Variants in ARHGEF4 observed in about 807,000 individuals in gnomAD.
ARHGEF4 encodes the protein APC-stimulated guanine nucleotide exchange factor 1.
Under a neutral mutation model 162.0 loss-of-function variants are expected in ARHGEF4, and 119 were observed. The observed-to-expected ratio is 0.73, with a 90% CI of 0.63 to 0.86. The LOEUF (loss-of-function observed/expected upper bound fraction) is 0.86, where lower values mean the gene tolerates loss of function less well. Among genes scored for constraint, ARHGEF4 ranks in the 40% least tolerant of loss-of-function variants. The pLI is 0.00. For synonymous variants in ARHGEF4, 1,014 were observed against 979.9 expected (o/e 1.03, Z -0.65); for missense variants, 2,488 against 2,456.0 (o/e 1.01, Z -0.28).
At chr2:130,871,126 G>A (rs893015812) in intron 1 of ARHGEF4, among the ~76,000 whole-genome samples, 4 of 152,194 alleles carry the variant, frequency 2.6e-5, no homozygotes, top group African/African-American at 9.6e-5. Flanking sequence ...CCGCCTGTGG[G>A]TTGCTGAGCT....
At position 131,011,702 on chromosome 2, in the gene ARHGEF4, C is replaced by G; in HGVS notation, c.3986-16243C>G. 3 of 1,476,236 alleles carry G rather than the reference C, an allele frequency of 2.0e-6. No individual in the cohort carries two copies. The East Asian group carries it at 7.4e-5, about 36-fold the overall frequency. 91.4% of individuals were successfully genotyped at this position (1,476,236 alleles called of 1,614,324 possible). A position where few individuals can be genotyped will look rare whatever the true frequency, so the allele number is the denominator to read the frequency against. ...GTGGGGTAGAGAGAGGAAATGAGGC[C>G]AGATGGGCAGCAAGCTTTGGATGCT... On this transcript the variant is annotated intron_variant, in intron 4 of 13. Transcript: ENST00000409359.
At chr2:131,002,424 A>C (rs1687829878) in intron 4 of ARHGEF4, among the ~76,000 whole-genome samples, 1 of 150,136 alleles carries the variant, frequency 6.7e-6, no homozygotes, top group Admixed American at 6.6e-5. Flanking sequence ...AAATACAAAA[A>C]AATTAGCTGG....
At chr2:130,966,379 C>T (rs539359165) in intron 4 of ARHGEF4, among the ~76,000 whole-genome samples, 1 of 152,140 alleles carries the variant, frequency 6.6e-6, no homozygotes, top group South Asian at 2.1e-4. Flanking sequence ...GGAGGAATTG[C>T]GGAAACAGGC....
intron 1 of ARHGEF4, among the ~76,000 whole-genome samples, chr2:130,892,716 T>C (rs998354936): frequency 2.6e-5 from 4 of 152,244 alleles, no homozygotes; most frequent in Middle Eastern, 3.4e-3. Flanking sequence ...TTAGCCCTCC[T>C]GGCCCCCAGC....
At chr2:130,961,259 T>G (rs1684607425) in intron 4 of ARHGEF4, among the ~76,000 whole-genome samples, 1 of 152,172 alleles carries the variant, frequency 6.6e-6, no homozygotes. Flanking sequence ...ACACCTGGTC[T>G]GCAGGGAGCA....
At position 130,914,890 on chromosome 2, in the gene ARHGEF4, C is replaced by A. The variant is rs1210236320; in HGVS notation, c.944C>A (p.Thr315Asn). ...AACCGTCACCATAGTGCCCCAGAAA[C>A]TACTGGTGACAAGAACAGGGCATCC... is the stretch of plus-strand genomic sequence containing the variant. ...RTNRHHSAPE[T>N]TGDKNRASPR... The change falls in exon 2 of 14, where the codon ACT (threonine) becomes AAT (asparagine). Residue 315 changes from threonine (T) to asparagine (N), a missense_variant. By Grantham distance (65) the Thr-to-Asn change is moderately conservative. Around this residue, in one of 6 missense-constraint regions of ARHGEF4, gnomAD observed 1,642 missense variants for 1,481.5 expected, o/e 1.11. Coordinates refer to ENST00000409359, the MANE Select transcript of ARHGEF4 (RefSeq NM_001367493.1). The A allele has an allele frequency of 1.3e-6, 2 of 1,500,720 alleles. No individual in the cohort carries two copies. Among genetic ancestry groups the A allele is most frequent in the East Asian group, 4.9e-5 (2 of 40,550 alleles). The allele number at this position is 1,500,720 out of a possible 1,614,324, so 93.0% of individuals were successfully genotyped here.
rs943737652 is a variant in ARHGEF4, at chr2:130,992,632, C to G, written c.3986-35313C>G. On this transcript the variant is annotated intron_variant, in intron 4 of 13. Transcript: ENST00000409359. ...ACGCGCCACCTTAAGAGCTGTAACA[C>G]TCACCGCGAGGGTCTGCGGCTTCAT... 2.6e-5 allele frequency among the ~76,000 whole-genome samples: 4 copies of G among 152,220 alleles called. No homozygotes were observed. In the South Asian group the frequency reaches 8.3e-4, roughly 32 times the overall value.
At chr2:130,946,426 CA>C in intron 3 of ARHGEF4, 82 bp from the exon 4 acceptor site, 2 of 1,500,524 alleles carry the variant, frequency 1.3e-6, no homozygotes, top group South Asian at 2.6e-5. Flanking sequence ...AAGTCCTCAG[CA>C]ATTAGAAAGA....
chr2:130,870,470 A>C (rs1678390536), intron 1 of ARHGEF4, among the ~76,000 whole-genome samples: 1 of 152,164 alleles, frequency 6.6e-6, no homozygotes, highest in Non-Finnish European at 1.5e-5. Flanking sequence ...GGGGGCAGGA[A>C]GGGGCCCTCA....
At chr2:130,838,327 C>T (rs1209877857) in intron 1 of ARHGEF4, among the ~76,000 whole-genome samples, 4 of 152,116 alleles carry the variant, frequency 2.6e-5, no homozygotes, top group Non-Finnish European at 5.9e-5. Flanking sequence ...TGTGGCCCGG[C>T]GCGGTGGCTC....
At chr2:130,993,623 G>A (rs2105290980) in intron 4 of ARHGEF4, among the ~76,000 whole-genome samples, 1 of 151,984 alleles carries the variant, frequency 6.6e-6, no homozygotes, top group East Asian at 1.9e-4. Flanking sequence ...TTTAGATTTT[G>A]TTATCTTATG....
intron 5 of ARHGEF4, among the ~76,000 whole-genome samples, chr2:131,038,506 T>C (rs1690484327): frequency 1.4e-5 from 2 of 143,450 alleles, no homozygotes; most frequent in East Asian, 2.1e-4. Context: ...AGCCCCTCCC[T>C]CCTGCAGCCT....
intron 1 of ARHGEF4, among the ~76,000 whole-genome samples, chr2:130,843,842 CA>C (rs1407769561): frequency 2.6e-5 from 4 of 152,200 alleles, no homozygotes; most frequent in East Asian, 1.9e-4. Flanking sequence ...GTCAGAGCCC[CA>C]GGGGGGCCCT....
chr2:130,893,807 C>T (rs1680000881), intron 1 of ARHGEF4, among the ~76,000 whole-genome samples: 1 of 152,248 alleles, frequency 6.6e-6, no homozygotes, highest in Non-Finnish European at 1.5e-5. Context: ...GCTCTTGTCA[C>T]TGCATATGCC....
At chr2:130,942,743 A>G (rs1683385555) in intron 3 of ARHGEF4, among the ~76,000 whole-genome samples, 1 of 152,248 alleles carries the variant, frequency 6.6e-6, no homozygotes, top group African/African-American at 2.4e-5. Flanking sequence ...GAAAAATAAT[A>G]GAATTACCTT....
At chr2:130,980,361 C>G (rs1445217000) in intron 4 of ARHGEF4, among the ~76,000 whole-genome samples, 3 of 150,546 alleles carry the variant, frequency 2.0e-5, no homozygotes, top group Admixed American at 6.7e-5. Flanking sequence ...ATGCCATCCA[C>G]CCTGTGTGAC....
intron 4 of ARHGEF4, among the ~76,000 whole-genome samples, chr2:130,956,103 G>GA (rs1684253549): frequency 6.6e-6 from 1 of 152,228 alleles, no homozygotes; most frequent in South Asian, 2.1e-4. Flanking sequence ...CACCACCTTA[G>GA]AAGCAGGGGT....
At position 130,917,042 on chromosome 2, in the gene ARHGEF4, C is replaced by T; in HGVS notation, c.3096C>T (p.Cys1032=). The T allele has an allele frequency of 3.2e-6, 5 of 1,550,916 alleles. No homozygotes were observed. Among genetic ancestry groups the T allele is most frequent in the Non-Finnish European group, 4.4e-6 (5 of 1,147,054 alleles). The change falls in exon 2 of 14, where the codon TGC becomes TGT. Residue 1032 remains cysteine, a synonymous_variant. Coordinates refer to ENST00000409359, the MANE Select transcript of ARHGEF4 (RefSeq NM_001367493.1). Reference sequence around the variant, plus strand: ...GGAAAAGTGAACCGACCATCAAGTGCACAGCCACCCAGGAAGGCGGTAGGT... The same window carrying T: ...GGAAAAGTGAACCGACCATCAAGTGTACAGCCACCCAGGAAGGCGGTAGGT... ...HRRKSEPTIK[C]TATQEGGRYL... is the part of the protein sequence containing the mutation.
chr2:130,962,844 C>G (rs894742303), intron 4 of ARHGEF4, among the ~76,000 whole-genome samples: 1 of 152,154 alleles, frequency 6.6e-6, no homozygotes, highest in African/African-American at 2.4e-5. Flanking sequence ...GGAAGGCCAT[C>G]AGCAGCCCTG....
Sources: allele counts gnomAD v4.1 joint callset (sites outside exome capture counted in the v4.1 genomes callset), GRCh38; gene constraint gnomAD v4.1.1; regional missense constraint gnomAD v4.1.1; transcripts MANE v1.5; gene names NCBI Gene and HGNC (gene_info 2026-07-23, HGNC 2026-07-21).